XPO7: variants seen among roughly 807,000 people sequenced by gnomAD.
XPO7 encodes exportin-7.
Under a neutral mutation model 144.3 loss-of-function variants are expected in XPO7, and 21 were observed. The observed-to-expected ratio is 0.15, with a 90% CI of 0.10 to 0.21. The LOEUF (loss-of-function observed/expected upper bound fraction) is 0.21, where lower values mean the gene tolerates loss of function less well. XPO7 is among the 10% of genes least tolerant of loss of function. The pLI is 1.00. For missense variants in XPO7, 808 were observed against 1,325.8 expected, an observed-to-expected ratio of 0.61 and a Z score of 6.06; for synonymous variants, 580 against 499.6, an observed-to-expected ratio of 1.16 and a Z score of -2.15.
rs1813017955 is a variant in XPO7, at chr8:21,998,246, C to T, written c.2346-509C>T. Among the ~76,000 whole-genome samples, 4 of 152,126 alleles carry T rather than the reference C, an allele frequency of 2.6e-5. No individual in the cohort carries two copies. In the South Asian group the frequency reaches 8.3e-4, roughly 31 times the overall value. On this transcript the variant is annotated intron_variant, in intron 21 of 27. Transcript: ENST00000252512. ...CACGAGGTCAGGAGATCGAGACCAT[C>T]CTGGCTAACATGGTGAAATCCCATC...
At chr8:21,964,512 A>G (rs1056578826) in intron 1 of XPO7, among the ~76,000 whole-genome samples, 28 of 152,272 alleles carry the variant, frequency 1.8e-4, no homozygotes, top group African/African-American at 6.0e-4. Flanking sequence ...TTTCTCCTTC[A>G]TCGGTAGTGT....
At chr8:21,954,674 G>A (rs533300633) in intron 1 of XPO7, among the ~76,000 whole-genome samples, 1 of 152,202 alleles carries the variant, frequency 6.6e-6, no homozygotes, top group South Asian at 2.1e-4. Flanking sequence ...AATAATAAAT[G>A]TGCACCGGCC....
At chr8:21,958,866 C>T (rs555983148) in intron 1 of XPO7, among the ~76,000 whole-genome samples, 85 of 151,190 alleles carry the variant, frequency 5.6e-4, no homozygotes, top group African/African-American at 2.0e-3. Flanking sequence ...GAGACTGAGG[C>T]AGCAGAATCA....
At position 21,987,847 on chromosome 8, in the gene XPO7, A is replaced by T. The variant is rs770255444; in HGVS notation, c.1777A>T (p.Ile593Leu). 1 of 1,613,768 alleles carries T rather than the reference A, an allele frequency of 6.2e-7. No individual in the cohort carries two copies. The highest frequency in any genetic ancestry group is 2.2e-5 in the East Asian group (1 of 44,884). Residue 593 changes from isoleucine to leucine, a missense_variant, in exon 15 of 28, where the codon ATA (isoleucine) becomes TTA (leucine). By Grantham distance (5) the Ile-to-Leu change is conservative (BLOSUM62 2). This residue lies in a region of XPO7 where 416 missense variants were observed against 612.5 expected (regional missense o/e 0.68). Coordinates refer to ENST00000252512, the MANE Select transcript of XPO7 (RefSeq NM_015024.5). ...NDETMVLSVF[I>L]GKIITNLKYW... is the part of the protein sequence containing the mutation. ...TGAGACCATGGTCCTAAGCGTCTTC[A>T]TAGGAAAAATGTAAGTGTTTCAGCT...
At chr8:21,985,776 T>C in intron 13 of XPO7, 85 bp downstream of exon 13, 1 of 1,189,080 alleles carries the variant, frequency 8.4e-7, no homozygotes, top group Non-Finnish European at 1.2e-6. Flanking sequence ...TTACAGAACG[T>C]AATCTGAACA....
At chr8:21,923,878 A>G (rs1456089828) in intron 1 of XPO7, among the ~76,000 whole-genome samples, 1 of 152,224 alleles carries the variant, frequency 6.6e-6, no homozygotes, top group Non-Finnish European at 1.5e-5. Context: ...AGGTACAACT[A>G]CTGAGGCTAC....
At chr8:22,003,796 A>G (rs1813233414) in intron 26 of XPO7, 107 bp from the exon 27 acceptor site, 1 of 1,507,790 alleles carries the variant, frequency 6.6e-7, no homozygotes, top group Non-Finnish European at 9.0e-7. Context: ...TTTAGTAGAC[A>G]TTCCATTCCT....
At chr8:21,962,968 A>T (rs1032094) in intron 1 of XPO7, among the ~76,000 whole-genome samples, 54,783 of 152,024 alleles carry the variant, frequency 0.36, 10,425 homozygotes, top group Non-Finnish European at 0.43. Flanking sequence ...TAAATATTTT[A>T]ATTTACTCAA....
chr8:22,004,449 C>T (rs1341039247), intron 27 of XPO7, among the ~76,000 whole-genome samples: 1 of 152,114 alleles, frequency 6.6e-6, no homozygotes, highest in African/African-American at 2.4e-5. Context: ...AGGGACTTTC[C>T]AGTAACTGCA....
intron 20 of XPO7, among the ~76,000 whole-genome samples, chr8:21,995,200 T>C (rs148536563): frequency 6.7e-4 from 102 of 152,254 alleles, no homozygotes; most frequent in Non-Finnish European, 1.2e-3. Context: ...GCTGATCCCA[T>C]ATAATACCAT....
chr8:21,921,491 C>T (rs1407349390), intron 1 of XPO7: 1 of 152,114 alleles, frequency 6.6e-6, no homozygotes, highest in Non-Finnish European at 1.5e-5. Flanking sequence ...GAATATACAT[C>T]GTGCTATTTG....
intron 2 of XPO7, among the ~76,000 whole-genome samples, chr8:21,967,736 A>G (rs1168740920): frequency 6.6e-6 from 1 of 152,238 alleles, no homozygotes; most frequent in Non-Finnish European, 1.5e-5. Context: ...TTACAAATCC[A>G]GGAACAGTGA....
intron 7 of XPO7, 84 bp from the exon 8 acceptor site, chr8:21,977,686 C>T (rs902868378): frequency 1.6e-6 from 2 of 1,262,854 alleles, no homozygotes; most frequent in African/African-American, 1.5e-5. Context: ...GAAGGATGTG[C>T]TCCCTGATGT....
chr8:21,990,239 AAAT>A, intron 16 of XPO7, 102 bp from the exon 17 acceptor site: 1 of 1,172,678 alleles, frequency 8.5e-7, no homozygotes. Context: ...ATTTTTTAAA[AAAT>A]AAGATATTTG....
intron 1 of XPO7, among the ~76,000 whole-genome samples, chr8:21,953,521 T>C (rs1401782730): frequency 6.6e-6 from 1 of 152,238 alleles, no homozygotes; most frequent in Non-Finnish European, 1.5e-5. Context: ...TTTCAAGTCA[T>C]TTGGGTAAAT....
At chr8:21,978,830 G>A (rs1162794262) in intron 8 of XPO7, among the ~76,000 whole-genome samples, 1 of 152,162 alleles carries the variant, frequency 6.6e-6, no homozygotes, top group Non-Finnish European at 1.5e-5. Context: ...TCGGAAGAGG[G>A]GTACCCTGTT....
chr8:21,952,365 A>G (rs1585435292), intron 1 of XPO7, among the ~76,000 whole-genome samples: 1 of 152,078 alleles, frequency 6.6e-6, no homozygotes, highest in African/African-American at 2.4e-5. Flanking sequence ...TTATAGAGAA[A>G]ATGTTTTCAA....
intron 25 of XPO7, 61 bp downstream of exon 25, chr8:22,002,333 A>AAGAC: frequency 6.4e-7 from 1 of 1,556,104 alleles, no homozygotes; most frequent in Non-Finnish European, 8.7e-7. Context: ...GGACCTCTGC[A>AAGAC]AGACAGGGGA....
intron 1 of XPO7, among the ~76,000 whole-genome samples, chr8:21,936,994 C>T (rs914429397): frequency 3.3e-5 from 5 of 152,180 alleles, no homozygotes; most frequent in African/African-American, 1.2e-4. Context: ...AAGATAAAAA[C>T]TCACTCTGCC....
Sources: gnomAD v4.1 joint callset for allele counts (sites outside exome capture counted in the v4.1 genomes callset) on GRCh38, gnomAD v4.1.1 for gene constraint, gnomAD v4.1.1 regional missense constraint, MANE v1.5 for transcripts, NCBI Gene and HGNC (gene_info 2026-07-23, HGNC 2026-07-21) for gene names.